The following SORCS2 variants were observed in gnomAD, a reference collection of about 807,000 sequenced individuals.
The protein encoded by SORCS2 is sortilin related VPS10 domain containing receptor 2, also known as VPS10 domain-containing receptor SorCS2.
SORCS2 carries 100 observed loss-of-function variants against 141.6 expected under a neutral mutation model. The ratio of observed to expected loss-of-function variants is 0.71; its 90% CI spans 0.60 to 0.83. The LOEUF (loss-of-function observed/expected upper bound fraction) is 0.83. Among genes scored for constraint, SORCS2 ranks in the 40% least tolerant of loss-of-function variants. The pLI is 0.00. For synonymous variants in SORCS2, 789 were observed against 676.9 expected (o/e 1.17, Z -2.57); for missense variants, 1,646 against 1,560.2 (o/e 1.05, Z -0.93).
chr4:7,713,110 T>C (rs1217104116), intron 15 of SORCS2, among the ~76,000 whole-genome samples: 1 of 152,064 alleles, frequency 6.6e-6, no homozygotes, highest in Non-Finnish European at 1.5e-5. Context: ...CTACAGTCTC[T>C]ACTCCAGCCC....
At chr4:7,596,503 C>G (rs1288538773) in intron 3 of SORCS2, among the ~76,000 whole-genome samples, 1 of 152,148 alleles carries the variant, frequency 6.6e-6, no homozygotes, top group Non-Finnish European at 1.5e-5. Context: ...AAAAGATACC[C>G]AATTATGAGT....
At chr4:7,412,427 C>T (rs1039035505) in intron 2 of SORCS2, among the ~76,000 whole-genome samples, 3 of 152,160 alleles carry the variant, frequency 2.0e-5, no homozygotes, top group African/African-American at 7.2e-5. Context: ...GGCTTCTCTC[C>T]CTGGCAGAGT....
rs919147533 is a variant in SORCS2, at chr4:7,223,299, A to G, written c.480+30173A>G. On this transcript the variant is annotated intron_variant, in intron 1 of 26. Transcript: ENST00000507866. ...AAAGGACCTTAGTGTATATGCGCAC[A>G]CACACACACACACACACACTCACAC... is the stretch of plus-strand genomic sequence containing the variant. Among the ~76,000 whole-genome samples, 110 of 123,794 alleles carry G rather than the reference A, an allele frequency of 8.9e-4. 1 individual carries two copies. The highest frequency in any genetic ancestry group is 2.9e-4 in the Non-Finnish European group (17 of 59,166). The allele number at this position is 123,794 out of a possible 152,430, so 81.2% of individuals were successfully genotyped here.
chr4:7,482,641 T>C (rs4689756), intron 2 of SORCS2, among the ~76,000 whole-genome samples: 48,958 of 53,148 alleles, frequency 0.92, 23,398 homozygotes, highest in Non-Finnish European at 0.97. Flanking sequence ...TGACGCTGTT[T>C]AGACCTGTAT....
chr4:7,516,946 C>T (rs1733022318), intron 2 of SORCS2, among the ~76,000 whole-genome samples: 1 of 152,190 alleles, frequency 6.6e-6, no homozygotes, highest in African/African-American at 2.4e-5. Flanking sequence ...AAGCTCAGCC[C>T]CTCTACCTCC....
intron 2 of SORCS2, among the ~76,000 whole-genome samples, chr4:7,403,961 G>GTGTGTATATATATATATATATATATA (rs1260939310): frequency 3.3e-5 from 1 of 29,892 alleles, no homozygotes. Flanking sequence ...CTCCATGTGT[G>GTGTGTATATATATATATATATATATA]TATATATATA....
chr4:7,314,128 T>A (rs1051177245), intron 1 of SORCS2, among the ~76,000 whole-genome samples: 2 of 152,068 alleles, frequency 1.3e-5, no homozygotes, highest in Non-Finnish European at 2.9e-5. Flanking sequence ...GGAGTCGGGA[T>A]CCTCCCTGCC....
At chr4:7,619,711 C>T (rs1394718781) in intron 3 of SORCS2, among the ~76,000 whole-genome samples, 1 of 152,198 alleles carries the variant, frequency 6.6e-6, no homozygotes, top group Non-Finnish European at 1.5e-5. Flanking sequence ...GGTTTCCCTG[C>T]CTTCTCTCTC....
chr4:7,324,558 C>T (rs1044504686), intron 1 of SORCS2, among the ~76,000 whole-genome samples: 6 of 152,194 alleles, frequency 3.9e-5, no homozygotes, highest in African/African-American at 7.2e-5. Context: ...CTCACTCTCC[C>T]GGCACACTTT....
At chr4:7,511,927 T>A (rs576652043) in intron 2 of SORCS2, among the ~76,000 whole-genome samples, 1 of 152,284 alleles carries the variant, frequency 6.6e-6, no homozygotes, top group African/African-American at 2.4e-5. Flanking sequence ...AATCCCACCC[T>A]TTCTCCCTTT....
intron 2 of SORCS2, among the ~76,000 whole-genome samples, chr4:7,411,017 G>A (rs1162483339): frequency 1.5e-5 from 2 of 132,722 alleles, no homozygotes; most frequent in East Asian, 5.0e-4. Context: ...GTGTAGTGGT[G>A]TGATCTCGAC....
rs1275996858 is a variant in SORCS2, at chr4:7,286,007, C to T, written c.480+92881C>T. ...AATCAGCACGGCGGCCGGCACCGTG[C>T]TCCGTGCCCTGCCGAGAGCCAGCTG... On this transcript the variant is annotated intron_variant, in intron 1 of 26. Coordinates refer to ENST00000507866, the MANE Select transcript of SORCS2 (RefSeq NM_020777.3). The surrounding 1 kb of genome is among the most constrained non-coding windows in gnomAD (Gnocchi z 4.1). 6.6e-6 allele frequency among the ~76,000 whole-genome samples: 1 copy of T among 152,222 alleles called. No individual in the cohort carries two copies. Among genetic ancestry groups the T allele is most frequent in the Admixed American group, 6.5e-5 (1 of 15,292 alleles).
Position 7,327,824 on chromosome 4 carries a change from G to A in SORCS2, c.481-68464G>A, listed in dbSNP as rs191037856. Among the ~76,000 whole-genome samples the A allele has an allele frequency of 1.0e-3, 141 of 138,494 alleles. No homozygotes were observed. The South Asian group carries it at 0.025, about 25-fold the overall frequency. The allele number at this position is 138,494 out of a possible 152,430, so 90.9% of individuals were successfully genotyped here. On this transcript the variant is annotated intron_variant, in intron 1 of 26. Coordinates refer to ENST00000507866, the MANE Select transcript of SORCS2 (RefSeq NM_020777.3). ...GACCGCCCCCCCCAACCCCGCCCCC[G>A]GCAACGTTGCTTTGGCTGCTCTGGG...
intron 2 of SORCS2, among the ~76,000 whole-genome samples, chr4:7,455,837 T>C (rs1728873959): frequency 6.6e-6 from 1 of 152,192 alleles, no homozygotes; most frequent in African/African-American, 2.4e-5. Flanking sequence ...TCATGCTCTG[T>C]ACTGGGTTCA....
chr4:7,684,056 C>T (rs1271291729), intron 10 of SORCS2, among the ~76,000 whole-genome samples: 1 of 152,144 alleles, frequency 6.6e-6, no homozygotes, highest in African/African-American at 2.4e-5. Context: ...ACTCCCCTTC[C>T]AACACCCCTG....
chr4:7,647,846 A>C (rs113632446), intron 4 of SORCS2, among the ~76,000 whole-genome samples: 4,500 of 152,288 alleles, frequency 0.03, 94 homozygotes, highest in African/African-American at 0.06. Flanking sequence ...CTGCCATGGG[A>C]AGCCTGCATG....
chr4:7,577,549 A>G (rs534449283), intron 3 of SORCS2, among the ~76,000 whole-genome samples: 63 of 144,750 alleles, frequency 4.4e-4, no homozygotes, highest in Non-Finnish European at 1.5e-4. Flanking sequence ...GAAGTCAGCT[A>G]GTGGATGGTT....
chr4:7,241,260 G>A (rs1208446262), intron 1 of SORCS2, among the ~76,000 whole-genome samples: 1 of 152,214 alleles, frequency 6.6e-6, no homozygotes, highest in South Asian at 2.1e-4. Context: ...TGGGGGGCCG[G>A]TGGGGCTTGG....
intron 2 of SORCS2, among the ~76,000 whole-genome samples, chr4:7,437,978 C>T (rs1282468067): frequency 3.3e-5 from 5 of 152,182 alleles, no homozygotes; most frequent in Non-Finnish European, 5.9e-5. Flanking sequence ...CTCTTTACCC[C>T]AGTTACTTTG....
Sources: gnomAD v4.1 joint callset for allele counts (sites outside exome capture counted in the v4.1 genomes callset) on GRCh38, gnomAD v4.1.1 for gene constraint, Gnocchi (gnomAD v3.1) non-coding constraint, MANE v1.5 for transcripts, NCBI Gene and HGNC (gene_info 2026-07-23, HGNC 2026-07-21) for gene names.